Variants in HSPA4 observed in about 807,000 individuals in gnomAD.
HSPA4 encodes heat shock 70 kDa protein 4.
In HSPA4, 25 loss-of-function variants were observed where a neutral mutation model predicts 106.2. That is an observed-to-expected ratio of 0.24 (90% CI 0.17 to 0.33). HSPA4 has a LOEUF of 0.33. Ranked by LOEUF, HSPA4 falls within the 10% of genes least tolerant of loss-of-function variation. HSPA4 has a pLI of 1.00. For missense variants in HSPA4, 841 were observed against 996.0 expected (o/e 0.84, Z 2.10); for synonymous variants, 332 against 333.6 (o/e 1.00, Z 0.05).
In HSPA4 at chr5:133,075,162, C is replaced by G. The variant is rs182471551; in HGVS notation, c.663+1036C>G. 2.0e-5 allele frequency among the ~76,000 whole-genome samples: 3 copies of G among 152,082 alleles called. 1 individual carries two copies. Among genetic ancestry groups the G allele is most frequent in the Admixed American group, 2.0e-4 (3 of 15,282 alleles). On this transcript the variant is annotated intron_variant, in intron 6 of 18. Transcript: ENST00000304858. ...GTTTTGTTTTTAAATAAAAAGAAAG[C>G]GAGTCTTTTAGATAATTGGGAAATG...
At chr5:133,087,390 C>T (rs2126709895) in intron 8 of HSPA4, among the ~76,000 whole-genome samples, 1 of 151,848 alleles carries the variant, frequency 6.6e-6, no homozygotes, top group South Asian at 2.1e-4. Flanking sequence ...TTGGGATATA[C>T]TGTCAGCTTG....
chr5:133,103,424 A>G (rs1367337246), intron 17 of HSPA4, among the ~76,000 whole-genome samples: 1 of 151,422 alleles, frequency 6.6e-6, no homozygotes, highest in Non-Finnish European at 1.5e-5. Flanking sequence ...GCTGGAGTGC[A>G]GTGGTGTGAT....
At chr5:133,095,580 T>C (rs1365332710) in intron 13 of HSPA4, among the ~76,000 whole-genome samples, 1 of 152,222 alleles carries the variant, frequency 6.6e-6, no homozygotes, top group East Asian at 1.9e-4. Flanking sequence ...ATTACCAATA[T>C]GTTACTACTG....
Position 133,089,594 on chromosome 5 carries a change from C to T in HSPA4, c.1277C>T (p.Ala426Val), listed in dbSNP as rs1166699491. 13 of 1,612,886 alleles carry T rather than the reference C, an allele frequency of 8.1e-6. No individual in the cohort carries two copies. The highest frequency in any genetic ancestry group is 1.3e-5 in the African/African-American group (1 of 74,988). ...DCEVFSKNHA[A>V]PFSKVLTFYR... ...GAAGTCTTTTCCAAAAATCATGCTGCTCCTTTCTCTAAAGTTCTTACATTT... is the reference window on the plus strand; with the variant it reads ...GAAGTCTTTTCCAAAAATCATGCTGTTCCTTTCTCTAAAGTTCTTACATTT... The change falls in exon 11 of 19, where the codon GCT (alanine) becomes GTT (valine). Residue 426 changes from alanine (A) to valine (V), a missense_variant. Around this residue, in one of 5 missense-constraint regions of HSPA4, gnomAD observed 162 missense variants for 177.7 expected, o/e 0.91. Coordinates refer to ENST00000304858, the MANE Select transcript of HSPA4 (RefSeq NM_002154.4).
chr5:133,065,120 G>A, intron 2 of HSPA4, 83 bp downstream of exon 2: 1 of 1,120,620 alleles, frequency 8.9e-7, no homozygotes, highest in Non-Finnish European at 1.4e-6. Flanking sequence ...CCCATTATGT[G>A]CCTAACACTG....
chr5:133,088,630 A>ATCAGAC (rs1461181241), intron 9 of HSPA4, 75 bp downstream of exon 9: 1 of 1,290,962 alleles, frequency 7.7e-7, no homozygotes, highest in African/African-American at 1.5e-5. Context: ...TGTATCTAAT[A>ATCAGAC]ACCTGGGATT....
intron 4 of HSPA4, among the ~76,000 whole-genome samples, chr5:133,072,140 C>G (rs965312112): frequency 7.2e-5 from 11 of 152,166 alleles, no homozygotes; most frequent in African/African-American, 2.7e-4. Flanking sequence ...CTCAAGATCA[C>G]ACTGGAGTTT....
chr5:133,101,517 G>A (rs2126717871), intron 16 of HSPA4: 2 of 367,540 alleles, frequency 5.4e-6, no homozygotes, highest in Non-Finnish European at 9.8e-6. Context: ...ATTTTTGGTG[G>A]TCTCCCTGCT....
chr5:133,101,092 C>T (rs1765779425), intron 16 of HSPA4, among the ~76,000 whole-genome samples: 1 of 152,192 alleles, frequency 6.6e-6, no homozygotes, highest in East Asian at 1.9e-4. Context: ...AGGCATGAGC[C>T]ACCGAACCTG....
At chr5:133,088,282 T>C (rs1765603152) in intron 8 of HSPA4, 122 bp from the exon 9 acceptor site, 1 of 664,720 alleles carries the variant, frequency 1.5e-6, no homozygotes, top group Non-Finnish European at 2.7e-6. Flanking sequence ...AGTATGTGTG[T>C]GTTGCGGAGG....
At chr5:133,065,703 C>T (rs1319114655) in intron 2 of HSPA4, among the ~76,000 whole-genome samples, 1 of 152,122 alleles carries the variant, frequency 6.6e-6, no homozygotes, top group African/African-American at 2.4e-5. Context: ...TCTTGTTAAA[C>T]AAGTTTCTCA....
chr5:133,064,980 G>A lies in HSPA4; in HGVS notation c.108G>A (p.Pro36=). The change falls in exon 2 of 19, where the codon CCG becomes CCA. Residue 36 remains proline, a splice_region_variant and synonymous_variant. Coordinates refer to ENST00000304858, the MANE Select transcript of HSPA4 (RefSeq NM_002154.4). ...IANEYSDRCT[P]ACISFGPKNR... ...CTTAAGTGCTTTTTTTGTCTTCTAG[G>A]GCTTGCATTTCTTTTGGTCCTAAGA... 2 of 1,613,248 alleles carry A rather than the reference G, an allele frequency of 1.2e-6. No individual in the cohort carries two copies. The highest frequency in any genetic ancestry group is 2.2e-5 in the South Asian group (2 of 90,972).
At chr5:133,071,576 A>C (rs1239844341) in intron 4 of HSPA4, among the ~76,000 whole-genome samples, 1 of 152,204 alleles carries the variant, frequency 6.6e-6, no homozygotes, top group East Asian at 1.9e-4. Flanking sequence ...GGACTGTTGA[A>C]ATATGTGTGG....
chr5:133,057,159 TG>T (rs1765175062), intron 1 of HSPA4, among the ~76,000 whole-genome samples: 1 of 152,220 alleles, frequency 6.6e-6, no homozygotes, highest in South Asian at 2.1e-4. Flanking sequence ...CAGCTCTTTT[TG>T]GTACTTTCTA....
chr5:133,101,230 G>T (rs1765781084), intron 16 of HSPA4, among the ~76,000 whole-genome samples: 1 of 152,168 alleles, frequency 6.6e-6, no homozygotes, highest in Non-Finnish European at 1.5e-5. Context: ...TTATAACTGT[G>T]TCTATAGTTC....
At chr5:133,101,263 C>T (rs1765781968) in intron 16 of HSPA4, among the ~76,000 whole-genome samples, 1 of 152,078 alleles carries the variant, frequency 6.6e-6, no homozygotes, top group Non-Finnish European at 1.5e-5. Context: ...TTCCCCATGT[C>T]GCCCCACCCT....
chr5:133,082,147 C>G (rs1266725852), intron 7 of HSPA4, among the ~76,000 whole-genome samples: 1 of 152,052 alleles, frequency 6.6e-6, no homozygotes, highest in Non-Finnish European at 1.5e-5. Context: ...TTCAAAAGTT[C>G]ACGCTGCTGA....
intron 11 of HSPA4, 37 bp from the exon 12 acceptor site, chr5:133,091,156 T>G: frequency 6.6e-7 from 1 of 1,513,424 alleles, no homozygotes; most frequent in Non-Finnish European, 9.2e-7. Flanking sequence ...TTCATCCTCT[T>G]AGGTTATGTG....
intron 7 of HSPA4, among the ~76,000 whole-genome samples, chr5:133,085,037 G>A (rs1765560603): frequency 6.6e-6 from 1 of 151,986 alleles, no homozygotes; most frequent in South Asian, 2.1e-4. Flanking sequence ...TTGAACTCCT[G>A]GGCTCAAGCC....
Sources: allele counts gnomAD v4.1 joint callset (sites outside exome capture counted in the v4.1 genomes callset), GRCh38; gene constraint gnomAD v4.1.1; regional missense constraint gnomAD v4.1.1; transcripts MANE v1.5; gene names NCBI Gene and HGNC (gene_info 2026-07-23, HGNC 2026-07-21).